Variants in SLC2A14 observed in about 807,000 individuals in gnomAD.
SLC2A14 encodes the protein solute carrier family 2 member 14.
In SLC2A14, 13 loss-of-function variants were observed where a neutral mutation model predicts 43.0. The ratio of observed to expected loss-of-function variants is 0.30; its 90% CI spans 0.20 to 0.48. The LOEUF is 0.48. Among genes scored for constraint, SLC2A14 ranks in the 20% least tolerant of loss-of-function variants. The pLI is 0.99. For missense variants in SLC2A14, 428 were observed against 620.4 expected (o/e 0.69, Z 3.29); for synonymous variants, 190 against 233.8 (o/e 0.81, Z 1.71).
chr12:7,861,043 C>T (rs1213796519), intron 2 of SLC2A14, among the ~76,000 whole-genome samples: 1 of 152,088 alleles, frequency 6.6e-6, no homozygotes, highest in Non-Finnish European at 1.5e-5. Context: ...CCACCCACCT[C>T]GGTCTCTCAA....
chr12:7,829,653 A>C (rs763780246), intron 5 of SLC2A14, 113 bp downstream of exon 5: 12 of 1,431,992 alleles, frequency 8.4e-6, no homozygotes, highest in Admixed American at 4.7e-5. Flanking sequence ...ATTATCTAAA[A>C]CTTCCATATG....
At chr12:7,882,627 A>C (rs574662748) in intron 1 of SLC2A14, among the ~76,000 whole-genome samples, 2 of 152,236 alleles carry the variant, frequency 1.3e-5, no homozygotes, top group African/African-American at 4.8e-5. Flanking sequence ...ACTTGAGCTC[A>C]GGGGTTAAAG....
upstream of SLC2A14, among the ~76,000 whole-genome samples, chr12:7,877,943 A>G (rs1053980386): frequency 2.0e-5 from 3 of 152,008 alleles, no homozygotes; most frequent in African/African-American, 7.3e-5. Flanking sequence ...GGGCTTCACT[A>G]TGTTGGTTAG....
chr12:7,862,924 C>A (rs2110092), intron 2 of SLC2A14, among the ~76,000 whole-genome samples: 108,519 of 151,946 alleles, frequency 0.71, 39,050 homozygotes, highest in East Asian at 0.93. Flanking sequence ...ACCAATCAGC[C>A]CCCTGACAAA....
chr12:7,835,612 G>C (rs756477139), intron 2 of SLC2A14, among the ~76,000 whole-genome samples: 5 of 152,124 alleles, frequency 3.3e-5, no homozygotes, highest in African/African-American at 1.2e-4. Flanking sequence ...TTGTGGGATG[G>C]GTGCTTGCTA....
Position 7,823,460 on chromosome 12 carries a change from C to T in SLC2A14, c.865-2135G>A, listed in dbSNP as rs184799924. ...GAAACTGGCCATGCGCAGTGGCTCACGCCTCTAATCCCAGCAATTTGGGAG... is the reference window on the plus strand; with the variant it reads ...GAAACTGGCCATGCGCAGTGGCTCATGCCTCTAATCCCAGCAATTTGGGAG... On this transcript the variant is annotated intron_variant, in intron 7 of 10. Transcript: ENST00000431042. Among the ~76,000 whole-genome samples the T allele has an allele frequency of 2.9e-3, 436 of 151,936 alleles. 2 individuals carry two copies. The highest frequency in any genetic ancestry group is 9.4e-3 in the African/African-American group (387 of 41,390).
Position 7,863,080 on chromosome 12 carries a change from T to C in SLC2A14, c.18+6783A>G, listed in dbSNP as rs370464013. On this transcript the variant is annotated intron_variant, in intron 2 of 10. Coordinates refer to ENST00000431042, the MANE Select transcript of SLC2A14 (RefSeq NM_001286234.2). ...TTGTTGTTTCACTCTTTGCAATAAA[T>C]CTTGCTACTGCTCACTTTTTATGTC... is the stretch of plus-strand genomic sequence containing the variant. 3.3e-5 allele frequency among the ~76,000 whole-genome samples: 5 copies of C among 152,272 alleles called. No individual in the cohort carries two copies. The East Asian group carries it at 7.7e-4, about 24-fold the overall frequency.
intron 7 of SLC2A14, among the ~76,000 whole-genome samples, 194 bp from the exon 8 acceptor site, chr12:7,821,519 C>A (rs1168267008): frequency 6.6e-6 from 1 of 152,032 alleles, no homozygotes; most frequent in Non-Finnish European, 1.5e-5. Context: ...CCTGTTTCTA[C>A]TAAAAATATA....
intron 1 of SLC2A14, among the ~76,000 whole-genome samples, chr12:7,883,912 TTTTC>T (rs71451923): frequency 1.4e-5 from 2 of 140,858 alleles, no homozygotes; most frequent in Admixed American, 7.1e-5. Context: ...CTGAATTAAC[TTTTC>T]TTTCTTTCTT....
Position 7,869,873 on chromosome 12 carries a change from T to C in SLC2A14, c.8A>G (p.Asn3Ser). The change falls in exon 2 of 11, where the codon AAC (asparagine) becomes AGC (serine). Residue 3 changes from asparagine to serine, a missense_variant. Asn to Ser is a conservative substitution (Grantham distance 46). Transcript: ENST00000431042. The stretch of plus-strand genomic sequence containing the variant: ...AGTTTTAATACTCACATTCTGTCTG[T>C]TGTCCATCTCTCTGCTATCCTAGGA... MD[N>S]RQNVTPALIF... 4 of 1,521,478 alleles carry C rather than the reference T, an allele frequency of 2.6e-6. No homozygotes were observed. The highest frequency in any genetic ancestry group is 3.5e-6 in the Non-Finnish European group (4 of 1,133,966). The allele number at this position is 1,521,478 out of a possible 1,614,324, so 94.2% of individuals were successfully genotyped here.
chr12:7,833,737 G>A (rs764068500), intron 2 of SLC2A14, among the ~76,000 whole-genome samples: 25 of 151,158 alleles, frequency 1.7e-4, no homozygotes, highest in South Asian at 2.1e-4. Flanking sequence ...AGCCGAGACC[G>A]TGCCACTGCA....
chr12:7,862,933 A>C (rs1322341124), intron 2 of SLC2A14, among the ~76,000 whole-genome samples: 1 of 152,098 alleles, frequency 6.6e-6, no homozygotes, highest in African/African-American at 2.4e-5. Context: ...CCCCCTGACA[A>C]AACAGGCCAC....
At chr12:7,879,836 C>T (rs1945535049) in intron 1 of SLC2A14, among the ~76,000 whole-genome samples, 2 of 151,976 alleles carry the variant, frequency 1.3e-5, no homozygotes, top group Admixed American at 6.6e-5. Flanking sequence ...GAAACCCCAT[C>T]TCTACTAAAA....
chr12:7,886,653 T>C (rs1226943126), intron 1 of SLC2A14, among the ~76,000 whole-genome samples: 2 of 152,078 alleles, frequency 1.3e-5, no homozygotes, highest in African/African-American at 2.4e-5. Flanking sequence ...TCATTGGTAA[T>C]TGGAGAGTAA....
intron 2 of SLC2A14, among the ~76,000 whole-genome samples, chr12:7,863,617 C>A (rs893452855): frequency 7.3e-5 from 11 of 151,422 alleles, no homozygotes; most frequent in African/African-American, 2.7e-4. Flanking sequence ...GTGACTCCAT[C>A]TTAAAAAAAA....
intron 10 of SLC2A14, 53 bp downstream of exon 10, chr12:7,817,778 A>AGATAGATAGATAGATG: frequency 6.3e-7 from 1 of 1,586,684 alleles, no homozygotes; most frequent in South Asian, 1.1e-5. Flanking sequence ...ATAGATAGAT[A>AGATAGATAGATAGATG]GACAGATACA....
At chr12:7,872,470 C>T (rs930024788) in intron 1 of SLC2A14, 1 of 152,368 alleles carries the variant, frequency 6.6e-6, no homozygotes. Context: ...CATTTTTATT[C>T]ATGAAGATTT....
At chr12:7,889,791 C>T (rs1232846038) in intron 1 of SLC2A14, among the ~76,000 whole-genome samples, 1 of 152,146 alleles carries the variant, frequency 6.6e-6, no homozygotes, top group African/African-American at 2.4e-5. Flanking sequence ...CCGCCTTGGC[C>T]TCCCAAAGTG....
intron 2 of SLC2A14, among the ~76,000 whole-genome samples, chr12:7,845,388 A>G (rs771439089): frequency 7.9e-5 from 12 of 152,274 alleles, no homozygotes; most frequent in Admixed American, 5.2e-4. Context: ...TATGTATGTC[A>G]ACTGTATTGC....
Sources: allele counts gnomAD v4.1 joint callset (sites outside exome capture counted in the v4.1 genomes callset), GRCh38; gene constraint gnomAD v4.1.1; transcripts MANE v1.5; gene names NCBI Gene and HGNC (gene_info 2026-07-23, HGNC 2026-07-21).